SFI1: variants seen among roughly 807,000 people sequenced by gnomAD.
SFI1 encodes the protein SFI1 centrin binding protein.
A neutral mutation model predicts 207.5 loss-of-function variants in SFI1; 195 were observed. The observed-to-expected ratio is 0.94, with a 90% CI of 0.84 to 1.06. SFI1 has a LOEUF of 1.06. SFI1 is among the 50% of genes least tolerant of loss of function. SFI1 has a pLI of 0.00. For synonymous variants in SFI1, 630 were observed against 598.9 expected, an observed-to-expected ratio of 1.05 and a Z score of -0.76; for missense variants, 1,634 against 1,588.0, an observed-to-expected ratio of 1.03 and a Z score of -0.49.
intron 6 of SFI1, among the ~76,000 whole-genome samples, chr22:31,555,992 G>T (rs1456806385): frequency 6.6e-6 from 1 of 152,024 alleles, no homozygotes; most frequent in Non-Finnish European, 1.5e-5. Context: ...AGAGAAATTT[G>T]CTTATAAGTG....
chr22:31,613,050 G>T (rs1405821303), intron 24 of SFI1, 92 bp from the exon 25 acceptor site: 10 of 1,393,300 alleles, frequency 7.2e-6, no homozygotes, highest in Admixed American at 2.0e-5. Flanking sequence ...ACTAGAGAGG[G>T]AGCCAAGAGG....
In SFI1 at chr22:31,593,850, C is replaced by T. The variant is rs1232038690; in HGVS notation, c.1544+4273C>T. On this transcript the variant is annotated intron_variant, in intron 15 of 32. Coordinates refer to ENST00000400288, the MANE Select transcript of SFI1 (RefSeq NM_001007467.3). ...CTCCACCAAAACCAGTCAGGCGTGG[C>T]GGCGCGTGCCTGCAATCGCAGGCAT... Among the ~76,000 whole-genome samples the T allele has an allele frequency of 2.2e-4, 33 of 147,918 alleles. 1 individual carries two copies. Among genetic ancestry groups the T allele is most frequent in the Admixed American group, 2.0e-4 (3 of 14,814 alleles).
intron 4 of SFI1, among the ~76,000 whole-genome samples, chr22:31,538,841 G>A (rs77298840): frequency 0.013 from 1,961 of 152,110 alleles, 40 homozygotes; most frequent in African/African-American, 0.045. Context: ...TGCTTCTCTA[G>A]CTGCCTCACA....
In SFI1 at chr22:31,613,362, C is replaced by T; in HGVS notation, c.2574C>T (p.Ala858=). The T allele has an allele frequency of 6.2e-7, 1 of 1,608,342 alleles. No individual in the cohort carries two copies. The highest frequency in any genetic ancestry group is 8.5e-7 in the Non-Finnish European group (1 of 1,176,990). The change falls in exon 26 of 33, where the codon GCC becomes GCT. Residue 858 remains alanine, a synonymous_variant. Coordinates refer to ENST00000400288, the MANE Select transcript of SFI1 (RefSeq NM_001007467.3). ...TCCTGCCCTCCCTGGAGGTGTGGGC[C>T]ACGTGGCTGGCCTTTGTACTGGAAA... The part of the protein sequence containing the change: ...WAFSLQAKVW[A]TWLAFVLERR...
chr22:31,500,488 C>A (rs916016087), intron 1 of SFI1, among the ~76,000 whole-genome samples: 1 of 152,122 alleles, frequency 6.6e-6, no homozygotes, highest in Non-Finnish European at 1.5e-5. Context: ...GAGACAGTTT[C>A]ATCTCATCAC....
chr22:31,571,668 T>G (rs1176928091), intron 8 of SFI1, among the ~76,000 whole-genome samples: 1 of 152,130 alleles, frequency 6.6e-6, no homozygotes, highest in African/African-American at 2.4e-5. Context: ...ATAAATACAT[T>G]TATTTTGTCT....
intron 15 of SFI1, among the ~76,000 whole-genome samples, chr22:31,591,597 G>A (rs556421061): frequency 1.9e-4 from 25 of 131,618 alleles, no homozygotes; most frequent in African/African-American, 6.8e-4. Context: ...GGGCAGGGGG[G>A]CTGACCCCCC....
rs921677668 is a variant in SFI1 at position 31,618,001 on chromosome 22, C to T, written c.3513-114C>T. 14 of 1,204,730 alleles carry T rather than the reference C, an allele frequency of 1.2e-5. No individual in the cohort carries two copies. In the African/African-American group the frequency reaches 2.0e-4, roughly 17 times the overall value. 74.6% of individuals were successfully genotyped at this position (1,204,730 alleles called of 1,614,324 possible). A position where few individuals can be genotyped will look rare whatever the true frequency, so the allele number is the denominator to read the frequency against. The stretch of plus-strand genomic sequence containing the variant: ...GTTCAGGTCAGGGGCCCTACCAGAC[C>T]ACCTCTCTCCACCCGATACCCGCAT... On this transcript the variant is annotated intron_variant, in intron 31 of 32. Transcript: ENST00000400288.
chr22:31,575,078 C>T (rs1305599804), intron 9 of SFI1, among the ~76,000 whole-genome samples, 153 bp from the exon 10 acceptor site: 1 of 91,142 alleles, frequency 1.1e-5, no homozygotes, highest in Non-Finnish European at 2.2e-5. Context: ...AAAAAAAAAA[C>T]TTAGTGCGTG....
At chr22:31,502,072 G>A (rs983051582) in intron 1 of SFI1, among the ~76,000 whole-genome samples, 5 of 152,284 alleles carry the variant, frequency 3.3e-5, no homozygotes, top group South Asian at 2.1e-4. Context: ...ACTGGAATAA[G>A]TGGGTAAATA....
chr22:31,581,860 A>G (rs1259966757), intron 12 of SFI1, among the ~76,000 whole-genome samples: 1 of 152,096 alleles, frequency 6.6e-6, no homozygotes, highest in African/African-American at 2.4e-5. Flanking sequence ...TTTTTGCTGA[A>G]TAATTTCAAA....
At chr22:31,526,407 G>T (rs143474994) in intron 2 of SFI1, among the ~76,000 whole-genome samples, 1 of 152,256 alleles carries the variant, frequency 6.6e-6, no homozygotes, top group East Asian at 1.9e-4. Context: ...ATCAGATCTC[G>T]TGGAAACTTA....
Position 31,617,055 on chromosome 22 carries a change from C to T in SFI1, c.3489C>T (p.Tyr1163=), listed in dbSNP as rs1249961854. ...LEEIQQQLLH[Y]QTTKQNLWSC... is the part of the protein sequence containing the mutation. ...AGATCCAGCAGCAACTACTGCACTA[C>T]CAGACCACCAAGCAGAACCTCTGGT... Residue 1163 remains tyrosine (Y), a synonymous_variant, in exon 31 of 33, where the codon TAC becomes TAT. Transcript: ENST00000400288. 6.2e-7 allele frequency: 1 copy of T among 1,614,060 alleles called. No homozygotes were observed. Among genetic ancestry groups the T allele is most frequent in the Non-Finnish European group, 8.5e-7 (1 of 1,180,034 alleles).
chr22:31,596,903 C>T (rs2067206787), intron 15 of SFI1, among the ~76,000 whole-genome samples: 3 of 150,874 alleles, frequency 2.0e-5, no homozygotes, highest in Non-Finnish European at 1.5e-5. Flanking sequence ...GGCTTCAGTA[C>T]TGAAGACACG....
Position 31,542,101 on chromosome 22 carries a change from T to A in SFI1, c.339-4760T>A, listed in dbSNP as rs141295732. Among the ~76,000 whole-genome samples the A allele has an allele frequency of 3.5e-4, 40 of 114,424 alleles. No homozygotes were observed. The East Asian group carries it at 9.0e-3, about 26-fold the overall frequency. 75.1% of individuals were successfully genotyped at this position (114,424 alleles called of 152,430 possible). On this transcript the variant is annotated intron_variant, in intron 4 of 32. Coordinates refer to ENST00000400288, the MANE Select transcript of SFI1 (RefSeq NM_001007467.3). Reference sequence around the variant, plus strand: ...GGGTGACAGAGTGAGACCCCGTCTTTAAAAAAAAAAAAAAAAAAAGAAATG... The same window carrying A: ...GGGTGACAGAGTGAGACCCCGTCTTAAAAAAAAAAAAAAAAAAAAGAAATG...
chr22:31,616,776 A>T lies in SFI1; in HGVS notation c.3332A>T (p.Lys1111Met). The T allele has an allele frequency of 1.3e-6, 2 of 1,584,210 alleles. No individual in the cohort carries two copies. Among genetic ancestry groups the T allele is most frequent in the Non-Finnish European group, 8.6e-7 (1 of 1,167,394 alleles). The change falls in exon 30 of 33, where the codon AAG (lysine) becomes ATG (methionine). Residue 1111 changes from lysine to methionine, a missense_variant. Lys to Met is a moderately conservative substitution (Grantham distance 95). Transcript: ENST00000400288. ...GCACAGCGGGCTACTCCTAGGGATA[A>T]GCCCCCGGTCCCCTCATCCCTGGCC... ...VSAQRATPRDKPPVPSSLASV... is the reference protein window; with the variant it reads ...VSAQRATPRDMPPVPSSLASV...
chr22:31,575,969 G>C (rs949607840), intron 10 of SFI1, among the ~76,000 whole-genome samples: 2 of 152,118 alleles, frequency 1.3e-5, no homozygotes, highest in Non-Finnish European at 2.9e-5. Context: ...TAAAGTCACA[G>C]GTCATTGGCA....
intron 9 of SFI1, among the ~76,000 whole-genome samples, chr22:31,574,569 G>A (rs1349765758): frequency 1.3e-5 from 2 of 152,194 alleles, no homozygotes; most frequent in Non-Finnish European, 2.9e-5. Context: ...CATTTGTTTA[G>A]AAGCAAAAGT....
Position 31,573,197 on chromosome 22 carries a change from T to A in SFI1, c.905T>A (p.Val302Glu), listed in dbSNP as rs936047659. Reference sequence around the variant, plus strand: ...CTTGAATACCTGCAAGTCCGCAGAGTGAAGAGACAGCAGAATGGTGAGTAG... The same window carrying A: ...CTTGAATACCTGCAAGTCCGCAGAGAGAAGAGACAGCAGAATGGTGAGTAG... The part of the protein sequence containing the change: ...AWLEYLQVRR[V>E]KRQQNEMAER... The change falls in exon 9 of 33, where the codon GTG (valine) becomes GAG (glutamate). Residue 302 changes from valine (V) to glutamate (E), a missense_variant. By Grantham distance (121) the Val-to-Glu change is moderately radical. Coordinates refer to ENST00000400288, the MANE Select transcript of SFI1 (RefSeq NM_001007467.3). 5 of 1,613,400 alleles carry A rather than the reference T, an allele frequency of 3.1e-6. No homozygotes were observed. The African/African-American group carries it at 6.7e-5, about 22-fold the overall frequency.
Sources: allele counts gnomAD v4.1 joint callset (sites outside exome capture counted in the v4.1 genomes callset), GRCh38; gene constraint gnomAD v4.1.1; transcripts MANE v1.5; gene names NCBI Gene and HGNC (gene_info 2026-07-23, HGNC 2026-07-21).